CHRM3: variants seen among roughly 807,000 people sequenced by gnomAD.
The protein encoded by CHRM3 is cholinergic receptor muscarinic 3.
Under a neutral mutation model 41.8 loss-of-function variants are expected in CHRM3, and 11 were observed. That is an observed-to-expected ratio of 0.26 (90% CI 0.17 to 0.44). The LOEUF is 0.44. Among genes scored for constraint, CHRM3 ranks in the 20% least tolerant of loss-of-function variants. CHRM3 has a pLI of 1.00. For synonymous variants in CHRM3, 297 were observed against 301.4 expected (o/e 0.99, Z 0.15); for missense variants, 571 against 745.4 (o/e 0.77, Z 2.72).
intron 5 of CHRM3, among the ~76,000 whole-genome samples, chr1:239,729,288 G>A (rs1663741258): frequency 6.6e-6 from 1 of 151,758 alleles, no homozygotes; most frequent in South Asian, 2.1e-4. Flanking sequence ...ACAGTGTGAT[G>A]TACACATAAA....
At chr1:239,674,753 A>G (rs984330011) in intron 4 of CHRM3, among the ~76,000 whole-genome samples, 3 of 151,814 alleles carry the variant, frequency 2.0e-5, no homozygotes, top group African/African-American at 7.3e-5. Flanking sequence ...TAAGTATCAG[A>G]CAAGCAATTC....
At chr1:239,690,369 A>G (rs1571996162) in intron 5 of CHRM3, among the ~76,000 whole-genome samples, 1 of 152,084 alleles carries the variant, frequency 6.6e-6, no homozygotes, top group East Asian at 1.9e-4. Flanking sequence ...ACAGGCGTGC[A>G]CCACCACGCC....
intron 5 of CHRM3, among the ~76,000 whole-genome samples, chr1:239,826,300 T>C (rs2149075359): frequency 6.6e-6 from 1 of 152,332 alleles, no homozygotes; most frequent in South Asian, 2.1e-4. Context: ...TAAGAGATGC[T>C]GCATTTTGCG....
intron 1 of CHRM3, among the ~76,000 whole-genome samples, chr1:239,406,811 T>TA (rs539069712): frequency 1.3e-5 from 2 of 152,162 alleles, no homozygotes; most frequent in East Asian, 3.8e-4. Flanking sequence ...CAGGAGGGGA[T>TA]AAAAAAATTG....
chr1:239,422,904 C>T (rs6694871), intron 1 of CHRM3, among the ~76,000 whole-genome samples: 78 of 152,118 alleles, frequency 5.1e-4, no homozygotes, highest in African/African-American at 1.8e-3. Context: ...GAGCAATGGT[C>T]GGATAGAACA....
At chr1:239,414,376 C>A (rs1414749601) in intron 1 of CHRM3, among the ~76,000 whole-genome samples, 2 of 152,140 alleles carry the variant, frequency 1.3e-5, no homozygotes, top group Non-Finnish European at 2.9e-5. Context: ...TTTCAATAAA[C>A]CTAAGTAATT....
At chr1:239,857,739 G>T (rs946576102) in intron 6 of CHRM3, among the ~76,000 whole-genome samples, 1 of 152,106 alleles carries the variant, frequency 6.6e-6, no homozygotes, top group Non-Finnish European at 1.5e-5. Context: ...CTGGAAGGGA[G>T]GTGGATAATC....
rs1249570857 is a variant in CHRM3 at position 239,758,639 on chromosome 1, T to A, written c.-146-68613T>A. Among the ~76,000 whole-genome samples, 4 of 152,346 alleles carry A rather than the reference T, an allele frequency of 2.6e-5. No individual in the cohort carries two copies. In the South Asian group the frequency reaches 8.3e-4, roughly 32 times the overall value. ...TTGAATGCTCACAGTTTTAAAAAAA[T>A]TGGCTTGTTTATCAAAAGCAGTTCT... is the stretch of plus-strand genomic sequence containing the variant. On this transcript the variant is annotated intron_variant, in intron 5 of 6. Transcript: ENST00000676153.
At chr1:239,846,819 G>A (rs527517572) in intron 6 of CHRM3, among the ~76,000 whole-genome samples, 2 of 152,264 alleles carry the variant, frequency 1.3e-5, no homozygotes, top group East Asian at 3.9e-4. Flanking sequence ...GAATTCCCAG[G>A]AAAGATAAGC....
At chr1:239,803,313 A>G (rs1158213008) in intron 5 of CHRM3, among the ~76,000 whole-genome samples, 1 of 152,184 alleles carries the variant, frequency 6.6e-6, no homozygotes, top group African/African-American at 2.4e-5. Context: ...CTTTCCTTAG[A>G]GCACATTCTA....
intron 1 of CHRM3, among the ~76,000 whole-genome samples, chr1:239,483,957 G>A (rs1271567354): frequency 6.6e-6 from 1 of 152,170 alleles, no homozygotes; most frequent in Non-Finnish European, 1.5e-5. Flanking sequence ...AAGGAAAACA[G>A]TAATTTAACC....
At position 239,784,863 on chromosome 1, in the gene CHRM3, C is replaced by T. The variant is rs1668770114; in HGVS notation, c.-146-42389C>T. ...TGACACATTTGGAGGACTGAGGGAACTAAGTGATTTCTAATGTCTTTCCAG... is the reference window on the plus strand; with the variant it reads ...TGACACATTTGGAGGACTGAGGGAATTAAGTGATTTCTAATGTCTTTCCAG... On this transcript the variant is annotated intron_variant, in intron 5 of 6. Transcript: ENST00000676153. Among the ~76,000 whole-genome samples, 2 of 152,170 alleles carry T rather than the reference C, an allele frequency of 1.3e-5. 1 individual carries two copies. Among genetic ancestry groups the T allele is most frequent in the South Asian group, 4.1e-4 (2 of 4,832 alleles).
chr1:239,498,614 ACT>A (rs1165498296), intron 2 of CHRM3, among the ~76,000 whole-genome samples: 1 of 151,644 alleles, frequency 6.6e-6, no homozygotes, highest in Non-Finnish European at 1.5e-5. Flanking sequence ...TTAGCAGAAA[ACT>A]CTCTCTCTTA....
At chr1:239,617,266 C>T (rs1046523952) in intron 3 of CHRM3, among the ~76,000 whole-genome samples, 4 of 152,178 alleles carry the variant, frequency 2.6e-5, no homozygotes, top group Non-Finnish European at 5.9e-5. Context: ...ATCTCTTTCT[C>T]GAATATTGTG....
At chr1:239,821,724 T>C (rs948866179) in intron 5 of CHRM3, among the ~76,000 whole-genome samples, 4 of 152,216 alleles carry the variant, frequency 2.6e-5, no homozygotes, top group African/African-American at 9.6e-5. Flanking sequence ...AGAATACAGT[T>C]TTCTAAAACT....
At chr1:239,858,557 C>G (rs986088881) in intron 6 of CHRM3, among the ~76,000 whole-genome samples, 1 of 150,134 alleles carries the variant, frequency 6.7e-6, no homozygotes, top group African/African-American at 2.4e-5. Context: ...GTACTTGCCT[C>G]TTACAATTTG....
At chr1:239,609,020 A>C (rs1193463257) in intron 3 of CHRM3, among the ~76,000 whole-genome samples, 1 of 152,218 alleles carries the variant, frequency 6.6e-6, no homozygotes, top group Non-Finnish European at 1.5e-5. Context: ...TAAAGTGTAC[A>C]ATTTGAAGTT....
intron 5 of CHRM3, among the ~76,000 whole-genome samples, chr1:239,826,512 G>A (rs1341122243): frequency 1.3e-5 from 2 of 152,196 alleles, no homozygotes. Flanking sequence ...CAAGGTCAGT[G>A]TAGCCTAGAT....
chr1:239,409,030 A>T (rs1297447181), intron 1 of CHRM3, among the ~76,000 whole-genome samples: 1 of 151,628 alleles, frequency 6.6e-6, no homozygotes, highest in Non-Finnish European at 1.5e-5. Context: ...CTTTAACATA[A>T]CTAAATATTA....
Sources: gnomAD v4.1 joint callset for allele counts (sites outside exome capture counted in the v4.1 genomes callset) on GRCh38, gnomAD v4.1.1 for gene constraint, MANE v1.5 for transcripts, NCBI Gene and HGNC (gene_info 2026-07-23, HGNC 2026-07-21) for gene names.